Variants in PPP1R13B observed in about 807,000 individuals in gnomAD.
PPP1R13B encodes the protein protein phosphatase 1 regulatory subunit 13B, also known as apoptosis-stimulating of p53 protein 1.
PPP1R13B carries 44 observed loss-of-function variants against 119.8 expected under a neutral mutation model. That is an observed-to-expected ratio of 0.37 (90% CI 0.29 to 0.47). PPP1R13B has a LOEUF of 0.47. Ranked by LOEUF, PPP1R13B falls within the 20% of genes least tolerant of loss-of-function variation. The pLI, the probability that PPP1R13B is intolerant of heterozygous loss-of-function variation, is 0.99. For synonymous variants in PPP1R13B, 542 were observed against 561.5 expected (o/e 0.97, Z 0.49); for missense variants, 1,227 against 1,413.5 (o/e 0.87, Z 2.12).
At position 103,740,203 on chromosome 14, in the gene PPP1R13B, T is replaced by C. The variant is rs778765414; in HGVS notation, c.2213A>G (p.Glu738Gly). The C allele has an allele frequency of 1.9e-6, 3 of 1,613,816 alleles. No homozygotes were observed. In the South Asian group the frequency reaches 3.3e-5, roughly 18 times the overall value. ...GCTGGGCTGGTAGAAAGGGGTGCCC[T>C]CCATGCCACCGGCCAGGGTGTTGAA... ...QRFNTLAGGM[E>G]GTPFYQPSPS... The change falls in exon 12 of 17, where the codon GAG (glutamate) becomes GGG (glycine). Residue 738 changes from glutamate to glycine, a missense_variant. By Grantham distance (98) the Glu-to-Gly change is moderately conservative (BLOSUM62 -2). Transcript: ENST00000202556. This position sits in a 1 kb window ranked among gnomAD's most constrained non-coding sequence, Gnocchi z 4.6.
rs1403903378 is a variant in PPP1R13B, at chr14:103,780,984, G to A, written c.278-2163C>T. On this transcript the variant is annotated intron_variant, in intron 3 of 16. Coordinates refer to ENST00000202556, the MANE Select transcript of PPP1R13B (RefSeq NM_015316.3). ...GTAGAGTGTTACAGGTGGGGAAGAT[G>A]GAATTCTGAGTCGGGGCATGAAAGA... 2.6e-5 allele frequency among the ~76,000 whole-genome samples: 4 copies of A among 152,136 alleles called. No individual in the cohort carries two copies. The East Asian group carries it at 5.8e-4, about 22-fold the overall frequency.
intron 5 of PPP1R13B, among the ~76,000 whole-genome samples, chr14:103,756,176 C>A (rs535835671): frequency 6.6e-6 from 1 of 152,100 alleles, no homozygotes; most frequent in East Asian, 1.9e-4. Flanking sequence ...CTCACTGCAA[C>A]CTCCACCGCC....
Position 103,746,291 on chromosome 14 carries a change from T to TGGGGGGGGGGGGGGGGGGG in PPP1R13B, c.1150+81_1150+82insCCCCCCCCCCCCCCCCCCC. On this transcript the variant is annotated intron_variant, in intron 9 of 16. Coordinates refer to ENST00000202556, the MANE Select transcript of PPP1R13B (RefSeq NM_015316.3). ...TGTGTGGGGCAGAGCCTCAGGAGCCTGCCCCACCCCCCGCCCCTCCACCGC... is the reference window on the plus strand; with the variant it reads ...TGTGTGGGGCAGAGCCTCAGGAGCCTGGGGGGGGGGGGGGGGGGGGCCCCACCCCCCGCCCCTCCACCGC... 1.8e-4 allele frequency: 49 copies of TGGGGGGGGGGGGGGGGGGG among 272,100 alleles called. 10 individuals carry two copies. Among genetic ancestry groups the TGGGGGGGGGGGGGGGGGGG allele is most frequent in the Non-Finnish European group, 3.3e-4 (44 of 133,690 alleles). The allele number at this position is 272,100 out of a possible 1,614,324, so 16.9% of individuals were successfully genotyped here.
At chr14:103,824,202 C>T (rs2086482599) in intron 1 of PPP1R13B, among the ~76,000 whole-genome samples, 3 of 150,692 alleles carry the variant, frequency 2.0e-5, no homozygotes, top group Admixed American at 6.6e-5. Context: ...CGTGCAACCA[C>T]GCCCAGCTAA....
intron 1 of PPP1R13B, among the ~76,000 whole-genome samples, chr14:103,816,692 T>G (rs930075065): frequency 3.3e-5 from 5 of 151,800 alleles, no homozygotes; most frequent in Non-Finnish European, 5.9e-5. Context: ...AAAAAATTAT[T>G]TCCTTTCATA....
intron 1 of PPP1R13B, among the ~76,000 whole-genome samples, chr14:103,841,210 A>G (rs1029396021): frequency 3.3e-5 from 5 of 150,366 alleles, no homozygotes; most frequent in African/African-American, 1.2e-4. Flanking sequence ...ACTTTAACCC[A>G]AGAGATGGAG....
chr14:103,814,201 T>C (rs899216799), intron 1 of PPP1R13B, among the ~76,000 whole-genome samples: 4 of 152,022 alleles, frequency 2.6e-5, no homozygotes, highest in Middle Eastern at 3.4e-3. Flanking sequence ...ATACAAATAT[T>C]AGCCGGGCAT....
chr14:103,838,967 G>A (rs1012753998), intron 1 of PPP1R13B, among the ~76,000 whole-genome samples: 4 of 152,138 alleles, frequency 2.6e-5, no homozygotes, highest in African/African-American at 9.7e-5. Flanking sequence ...TACTTACGAT[G>A]CAATAAACAC....
intron 2 of PPP1R13B, among the ~76,000 whole-genome samples, chr14:103,790,990 C>A (rs1326206806): frequency 6.6e-6 from 1 of 152,172 alleles, no homozygotes; most frequent in Non-Finnish European, 1.5e-5. Flanking sequence ...GTGAGCTACA[C>A]AATCTAAGCA....
chr14:103,847,540 A>ACCTCAG lies in PPP1R13B; in HGVS notation c.-239_-234dup, dbSNP rs1001254062. The stretch of plus-strand genomic sequence containing the variant: ...CCCGGCCGCCGCCGCCGCCGCCTCA[A>ACCTCAG]CCTCAGCCTCAGCCTCAGCCCCAGC... On this transcript the variant is annotated 5_prime_UTR_variant, in exon 1 of 17. Transcript: ENST00000202556. 119 of 984,560 alleles carry ACCTCAG rather than the reference A, an allele frequency of 1.2e-4. No homozygotes were observed. Among genetic ancestry groups the ACCTCAG allele is most frequent in the African/African-American group, 3.4e-4 (19 of 56,206 alleles). 61.0% of individuals were successfully genotyped at this position (984,560 alleles called of 1,614,324 possible). A position where few individuals can be genotyped will look rare whatever the true frequency, so the allele number is the denominator to read the frequency against.
At chr14:103,763,152 G>A (rs1215683331) in intron 4 of PPP1R13B, 1 of 621,620 alleles carries the variant, frequency 1.6e-6, no homozygotes, top group East Asian at 2.8e-5. Flanking sequence ...TTATGACAGG[G>A]ATAATGAGAT....
At chr14:103,796,783 C>T (rs1231976504) in intron 2 of PPP1R13B, among the ~76,000 whole-genome samples, 1 of 152,034 alleles carries the variant, frequency 6.6e-6, no homozygotes, top group East Asian at 1.9e-4. Flanking sequence ...ATGGTGAAAC[C>T]CCGATTCTAC....
At chr14:103,805,351 A>G (rs4906375) in intron 1 of PPP1R13B, among the ~76,000 whole-genome samples, 152,143 of 152,204 alleles carry the variant, frequency 1, 76,041 homozygotes, top group Middle Eastern at 1. Flanking sequence ...GTGGCAGATT[A>G]CTTGAGCTCA....
chr14:103,821,717 C>G (rs2086413915), intron 1 of PPP1R13B, among the ~76,000 whole-genome samples: 1 of 152,032 alleles, frequency 6.6e-6, no homozygotes, highest in South Asian at 2.1e-4. Flanking sequence ...CGCCATTGCA[C>G]TCCAGCCTGG....
intron 4 of PPP1R13B, among the ~76,000 whole-genome samples, chr14:103,765,557 A>G (rs2084918366): frequency 1.3e-5 from 2 of 152,116 alleles, no homozygotes; most frequent in African/African-American, 4.8e-5. Context: ...CTTGCCCTAA[A>G]TAAAGGCTGC....
chr14:103,808,615 CGG>C (rs1477814233), intron 1 of PPP1R13B, among the ~76,000 whole-genome samples: 2 of 151,972 alleles, frequency 1.3e-5, no homozygotes, highest in African/African-American at 2.4e-5. Flanking sequence ...TGCAGGGTAA[CGG>C]GGGTGAGTTC....
chr14:103,828,472 C>T (rs1173663874), intron 1 of PPP1R13B, among the ~76,000 whole-genome samples: 1 of 151,898 alleles, frequency 6.6e-6, no homozygotes. Context: ...ATCACTCATT[C>T]ATTCATTTAG....
intron 4 of PPP1R13B, among the ~76,000 whole-genome samples, chr14:103,768,761 G>A (rs1016727979): frequency 5.3e-5 from 8 of 152,006 alleles, no homozygotes; most frequent in African/African-American, 1.7e-4. Flanking sequence ...AGGAGAGATG[G>A]GGTTTCACCA....
In PPP1R13B at chr14:103,736,200, C is replaced by A. The variant is rs1429342532; in HGVS notation, c.3034G>T (p.Val1012Leu). ...YIQCSQFLYG[V>L]QEKLGVMNKG... Reference sequence around the variant, plus strand: ...TTCATCACACCCAGCTTTTCCTGCACCCCTGGAGCCAGAGAGCAATGGTCA... The same window carrying A: ...TTCATCACACCCAGCTTTTCCTGCAACCCTGGAGCCAGAGAGCAATGGTCA... Residue 1012 changes from valine to leucine, a missense_variant and splice_region_variant, in exon 16 of 17, where the codon GTG becomes TTG. Physicochemically the swap from Val to Leu is conservative, Grantham distance 32 (BLOSUM62 1). Transcript: ENST00000202556. 3 of 1,613,242 alleles carry A rather than the reference C, an allele frequency of 1.9e-6. No homozygotes were observed. Among genetic ancestry groups the A allele is most frequent in the Admixed American group, 1.7e-5 (1 of 60,022 alleles).
Sources: allele counts gnomAD v4.1 joint callset (sites outside exome capture counted in the v4.1 genomes callset), GRCh38; gene constraint gnomAD v4.1.1; non-coding constraint Gnocchi (gnomAD v3.1); transcripts MANE v1.5; gene names NCBI Gene and HGNC (gene_info 2026-07-23, HGNC 2026-07-21).